UGT2A3: variants seen among roughly 807,000 people sequenced by gnomAD.
The protein encoded by UGT2A3 is UDP glucuronosyltransferase family 2 member A3, also known as UDP-glucuronosyltransferase 2A3.
A neutral mutation model predicts 44.1 loss-of-function variants in UGT2A3; 55 were observed. The ratio of observed to expected loss-of-function variants is 1.25; its 90% CI spans 1.00 to 1.56. The LOEUF is 1.56. Ranked by LOEUF, UGT2A3 falls within the 40% of genes most tolerant of loss-of-function variation. UGT2A3 has a pLI of 0.00. For synonymous variants in UGT2A3, 243 were observed against 215.1 expected (o/e 1.13, Z -1.13); for missense variants, 733 against 621.6 (o/e 1.18, Z -1.91).
intron 2 of UGT2A3, among the ~76,000 whole-genome samples, chr4:68,940,486 G>A (rs1023973205): frequency 2.0e-4 from 30 of 151,910 alleles, no homozygotes; most frequent in Admixed American, 1.8e-3. Context: ...CTTTTAGGTA[G>A]GAAGTGAACA....
intron 2 of UGT2A3, among the ~76,000 whole-genome samples, chr4:68,941,776 A>T (rs1273665920): frequency 6.6e-6 from 1 of 151,944 alleles, no homozygotes; most frequent in Non-Finnish European, 1.5e-5. Context: ...TAGAAGTCAC[A>T]TCAGTCAATA....
At chr4:68,948,005 T>G (rs1053682418) in intron 1 of UGT2A3, among the ~76,000 whole-genome samples, 2 of 151,856 alleles carry the variant, frequency 1.3e-5, no homozygotes, top group South Asian at 4.1e-4. Flanking sequence ...GGGCATTGGC[T>G]TTACCTTTGT....
Position 68,933,042 on chromosome 4 carries a change from G to A in UGT2A3, c.865-283C>T, listed in dbSNP as rs11943872. Among the ~76,000 whole-genome samples, 1,118 of 151,980 alleles carry A rather than the reference G, an allele frequency of 7.4e-3. 11 individuals are homozygous for A. The highest frequency in any genetic ancestry group is 0.026 in the African/African-American group (1,058 of 41,486). On this transcript the variant is annotated intron_variant, in intron 2 of 5. Transcript: ENST00000251566. ...ACATCTCTTTTCATGTCTGTGTCACGTAGACACAAAATCCTAAAACCAAAA... is the reference window on the plus strand; with the variant it reads ...ACATCTCTTTTCATGTCTGTGTCACATAGACACAAAATCCTAAAACCAAAA...
At chr4:68,944,402 A>G (rs1296797967) in intron 2 of UGT2A3, among the ~76,000 whole-genome samples, 2 of 151,854 alleles carry the variant, frequency 1.3e-5, no homozygotes. Context: ...TCAAGGCTAG[A>G]GCTAATAGCC....
In UGT2A3 at chr4:68,945,371, G is replaced by T; in HGVS notation, c.799C>A (p.Pro267Thr). ...RTYWDFEFPQPYQPNFEFVGG... is the reference protein window; with the variant it reads ...RTYWDFEFPQTYQPNFEFVGG... ...ACAAACTCAAAGTTAGGTTGGTATG[G>T]TTGAGGAAATTCAAAATCCCAATAT... The change falls in exon 2 of 6, where the codon CCA becomes ACA. Residue 267 changes from proline to threonine, a missense_variant. Transcript: ENST00000251566. 6.2e-7 allele frequency: 1 copy of T among 1,611,402 alleles called. No individual in the cohort carries two copies. Among genetic ancestry groups the T allele is most frequent in the Non-Finnish European group, 8.5e-7 (1 of 1,178,486 alleles).
At chr4:68,936,216 C>A (rs113489333) in intron 2 of UGT2A3, among the ~76,000 whole-genome samples, 1 of 151,984 alleles carries the variant, frequency 6.6e-6, no homozygotes, top group African/African-American at 2.4e-5. Flanking sequence ...CAGAGAACAC[C>A]ACAAAGATAT....
intron 1 of UGT2A3, among the ~76,000 whole-genome samples, chr4:68,950,329 A>G (rs928714604): frequency 1.3e-5 from 2 of 151,940 alleles, no homozygotes; most frequent in African/African-American, 2.4e-5. Context: ...AATACATTAA[A>G]CAATATTTTA....
chr4:68,937,279 A>T (rs992767661), intron 2 of UGT2A3, among the ~76,000 whole-genome samples: 20 of 152,102 alleles, frequency 1.3e-4, no homozygotes, highest in African/African-American at 4.6e-4. Flanking sequence ...TCAGGACCAC[A>T]TCATACTTAT....
At chr4:68,945,074 T>C (rs1027737167) in intron 2 of UGT2A3, among the ~76,000 whole-genome samples, 2 of 151,742 alleles carry the variant, frequency 1.3e-5, no homozygotes, top group Admixed American at 6.6e-5. Flanking sequence ...ACTATTGTAA[T>C]ACTAGTATTT....
At chr4:68,933,961 T>C (rs1304724028) in intron 2 of UGT2A3, among the ~76,000 whole-genome samples, 1 of 151,966 alleles carries the variant, frequency 6.6e-6, no homozygotes, top group Admixed American at 6.6e-5. Flanking sequence ...CAGTACACAC[T>C]TAACACCACT....
At chr4:68,931,369 G>A (rs1717731078) in intron 3 of UGT2A3, 127 bp from the exon 4 acceptor site, 2 of 650,242 alleles carry the variant, frequency 3.1e-6, no homozygotes, top group Middle Eastern at 3.6e-4. Flanking sequence ...GGTGTGTAGA[G>A]CTACCGCGTA....
intron 2 of UGT2A3, among the ~76,000 whole-genome samples, chr4:68,936,331 CA>C (rs987849690): frequency 6.6e-6 from 1 of 152,036 alleles, no homozygotes; most frequent in African/African-American, 2.4e-5. Flanking sequence ...AGGTTACCGA[CA>C]AAGGAAAGCC....
rs1718602115 is a variant in UGT2A3 at position 68,951,703 on chromosome 4, A to T, written c.58T>A (p.Cys20Ser). The T allele has an allele frequency of 6.2e-7, 1 of 1,610,360 alleles. No homozygotes were observed. The highest frequency in any genetic ancestry group is 1.3e-5 in the African/African-American group (1 of 74,736). ...ACCAGGACTTTCCCACAGAATCCAC[A>T]GCCAACACAGAAGAGCTGCAGGAGC... The part of the protein sequence containing the change: ...FLLLQLFCVG[C>S]GFCGKVLVWP... Residue 20 changes from cysteine to serine, a missense_variant, in exon 1 of 6, where the codon TGT becomes AGT. By Grantham distance (112) the Cys-to-Ser change is moderately radical (BLOSUM62 -1). Coordinates refer to ENST00000251566, the MANE Select transcript of UGT2A3 (RefSeq NM_024743.4).
In UGT2A3 at chr4:68,930,576, C is replaced by T. The variant is rs1267978077; in HGVS notation, c.1274G>A (p.Arg425Lys). The change falls in exon 5 of 6, where the codon AGG becomes AAG. Residue 425 changes from arginine (R) to lysine (K), a missense_variant. By Grantham distance (26) the Arg-to-Lys change is conservative. Coordinates refer to ENST00000251566, the MANE Select transcript of UGT2A3 (RefSeq NM_024743.4). Reference sequence around the variant, plus strand: ...ATCGGTAATGACTGTTCTCAAAGCCCTCAGTAAATCTTCGCTTGTCATAGT... The same window carrying T: ...ATCGGTAATGACTGTTCTCAAAGCCTTCAGTAAATCTTCGCTTGTCATAGT... Reference protein sequence around the residue: ...FKTMTSEDLLRALRTVITDSS... With the variant: ...FKTMTSEDLLKALRTVITDSS... 1 of 1,612,576 alleles carries T rather than the reference C, an allele frequency of 6.2e-7. No individual in the cohort carries two copies. The highest frequency in any genetic ancestry group is 1.1e-5 in the South Asian group (1 of 90,978).
rs375202534 is a variant in UGT2A3 at position 68,951,727 on chromosome 4, G to A, written c.34C>T (p.Leu12Phe). The change falls in exon 1 of 6, where the codon CTC becomes TTC. Residue 12 changes from leucine (L) to phenylalanine (F), a missense_variant. By Grantham distance (22) the Leu-to-Phe change is conservative (BLOSUM62 0). Coordinates refer to ENST00000251566, the MANE Select transcript of UGT2A3 (RefSeq NM_024743.4). ...RSDKSALVFLLLQLFCVGCGF... is the reference protein window; with the variant it reads ...RSDKSALVFLFLQLFCVGCGF... Reference sequence around the variant, plus strand: ...CAGCCAACACAGAAGAGCTGCAGGAGCAGAAATACCAAAGCTGACTTGTCA... The same window carrying A: ...CAGCCAACACAGAAGAGCTGCAGGAACAGAAATACCAAAGCTGACTTGTCA... 97 of 1,603,404 alleles carry A rather than the reference G, an allele frequency of 6.0e-5. No individual in the cohort carries two copies. Among genetic ancestry groups the A allele is most frequent in the Non-Finnish European group, 8.0e-5 (94 of 1,175,076 alleles).
chr4:68,938,570 T>C (rs889203474), intron 2 of UGT2A3, among the ~76,000 whole-genome samples: 5 of 152,146 alleles, frequency 3.3e-5, no homozygotes, highest in African/African-American at 1.2e-4. Context: ...ATAAGAGCTA[T>C]TTATGACAAA....
chr4:68,942,102 A>G (rs11935894), intron 2 of UGT2A3, among the ~76,000 whole-genome samples: 2 of 151,920 alleles, frequency 1.3e-5, no homozygotes, highest in East Asian at 2.0e-4. Flanking sequence ...TAGAACTACC[A>G]TATTATACAG....
intron 2 of UGT2A3, 74 bp from the exon 3 acceptor site, chr4:68,932,833 T>C: frequency 7.1e-7 from 1 of 1,404,078 alleles, no homozygotes; most frequent in Non-Finnish European, 9.8e-7. Context: ...CTTACACTTC[T>C]AAAATAAATA....
At position 68,930,716 on chromosome 4, in the gene UGT2A3, G is replaced by A. The variant is rs1467099780; in HGVS notation, c.1134C>T (p.Ile378=). Reference sequence around the variant, plus strand: ...GGACCCCATGGTAAATAGCTTCATAGATCCCATTCATTCCACCATGAGTGA... The same window carrying A: ...GGACCCCATGGTAAATAGCTTCATAAATCCCATTCATTCCACCATGAGTGA... ...AFITHGGMNG[I]YEAIYHGVPM... The change falls in exon 5 of 6, where the codon ATC becomes ATT. Residue 378 remains isoleucine, a synonymous_variant. Coordinates refer to ENST00000251566, the MANE Select transcript of UGT2A3 (RefSeq NM_024743.4). 4.3e-6 allele frequency: 7 copies of A among 1,612,174 alleles called. No individual in the cohort carries two copies. Among genetic ancestry groups the A allele is most frequent in the Non-Finnish European group, 5.9e-6 (7 of 1,179,104 alleles).
Sources: allele counts gnomAD v4.1 joint callset (sites outside exome capture counted in the v4.1 genomes callset), GRCh38; gene constraint gnomAD v4.1.1; transcripts MANE v1.5; gene names NCBI Gene and HGNC (gene_info 2026-07-23, HGNC 2026-07-21).